TAPT1: variants seen among roughly 807,000 people sequenced by gnomAD.
TAPT1 encodes transmembrane anterior posterior transformation protein 1 homolog.
A neutral mutation model predicts 65.6 loss-of-function variants in TAPT1; 28 were observed. That is an observed-to-expected ratio of 0.43 (90% CI 0.32 to 0.59). TAPT1 has a LOEUF of 0.59. Ranked by LOEUF, TAPT1 falls within the 20% of genes least tolerant of loss-of-function variation. The pLI, the probability that TAPT1 is intolerant of heterozygous loss-of-function variation, is 0.09. For synonymous variants in TAPT1, 278 were observed against 245.2 expected (o/e 1.13, Z -1.25); for missense variants, 563 against 679.9 (o/e 0.83, Z 1.91).
chr4:16,163,247 C>T lies in TAPT1; in HGVS notation c.*61G>A. On this transcript the variant is annotated 3_prime_UTR_variant, in exon 14 of 14. Transcript: ENST00000405303. The stretch of plus-strand genomic sequence containing the variant: ...AGTGCCATGTTTAGCATCTATTTGT[C>T]CTGGCAACACAGCACTTGTTGCCCC... The T allele has an allele frequency of 1.7e-6, 2 of 1,192,728 alleles. No individual in the cohort carries two copies. The highest frequency in any genetic ancestry group is 2.5e-6 in the Non-Finnish European group (2 of 802,430). The allele number at this position is 1,192,728 out of a possible 1,614,324, so 73.9% of individuals were successfully genotyped here.
At position 16,166,615 on chromosome 4, in the gene TAPT1, G is replaced by C; in HGVS notation, c.1474+18C>G. On this transcript the variant is annotated intron_variant, in intron 13 of 13. Transcript: ENST00000405303. ...TTTGAAAATGATCCAGGGAAGTGAA[G>C]AAAGGGACCAAACCTACCTTGAGAG... 3 of 1,610,190 alleles carry C rather than the reference G, an allele frequency of 1.9e-6. No homozygotes were observed. The highest frequency in any genetic ancestry group is 2.5e-6 in the Non-Finnish European group (3 of 1,176,604).
chr4:16,206,978 T>C (rs1472160668), intron 2 of TAPT1, among the ~76,000 whole-genome samples: 1 of 152,182 alleles, frequency 6.6e-6, no homozygotes, highest in Non-Finnish European at 1.5e-5. Flanking sequence ...CTGTGGTCAC[T>C]ACCACCACAA....
At chr4:16,186,446 T>C (rs1454698010) in intron 7 of TAPT1, 89 bp downstream of exon 7, 12 of 792,486 alleles carry the variant, frequency 1.5e-5, no homozygotes, top group Non-Finnish European at 2.3e-5. Flanking sequence ...AGCTGAAGAG[T>C]GGCCCAGAGA....
At chr4:16,177,258 C>A (rs1357257141) in intron 8 of TAPT1, among the ~76,000 whole-genome samples, 1 of 152,312 alleles carries the variant, frequency 6.6e-6, no homozygotes, top group Admixed American at 6.5e-5. Flanking sequence ...CCAAACTATG[C>A]AAATTATGCA....
At chr4:16,215,633 C>T (rs554550713) in intron 1 of TAPT1, among the ~76,000 whole-genome samples, 3 of 152,248 alleles carry the variant, frequency 2.0e-5, no homozygotes, top group Admixed American at 6.5e-5. Flanking sequence ...CAACAGGAGG[C>T]GGAATCTATC....
intron 3 of TAPT1, among the ~76,000 whole-genome samples, chr4:16,200,649 G>A (rs1022708183): frequency 6.6e-6 from 1 of 152,088 alleles, no homozygotes; most frequent in Non-Finnish European, 1.5e-5. Flanking sequence ...TATGTCATGT[G>A]TTTCACCTGA....
Position 16,202,565 on chromosome 4 carries a change from T to C in TAPT1, c.346A>G (p.Ile116Val). The C allele has an allele frequency of 2.0e-6, 3 of 1,534,410 alleles. No individual in the cohort carries two copies. Among genetic ancestry groups the C allele is most frequent in the Middle Eastern group, 1.7e-4 (1 of 5,918 alleles). ...AAAAACGCATCCAGGCACAGAAAGA[T>C]TCCAAAAACCATCAGCTGAATTTTA... ...RELEKLMVFGIFLCLDAFLYV... is the reference protein window; with the variant it reads ...RELEKLMVFGVFLCLDAFLYV... The change falls in exon 3 of 14, where the codon ATC becomes GTC. Residue 116 changes from isoleucine to valine, a missense_variant. By Grantham distance (29) the Ile-to-Val change is conservative. Around this residue, in one of 5 missense-constraint regions of TAPT1, gnomAD observed 217 missense variants for 317.5 expected, o/e 0.68. Transcript: ENST00000405303.
intron 1 of TAPT1, among the ~76,000 whole-genome samples, chr4:16,223,244 A>G (rs534531377): frequency 4.4e-4 from 67 of 152,342 alleles, no homozygotes; most frequent in African/African-American, 1.6e-3. Flanking sequence ...CTGTACTTAG[A>G]TTCCTAAATA....
At chr4:16,175,410 T>C (rs1282182971) in intron 9 of TAPT1, among the ~76,000 whole-genome samples, 1 of 152,150 alleles carries the variant, frequency 6.6e-6, no homozygotes, top group Non-Finnish European at 1.5e-5. Context: ...TGAATCACAG[T>C]TGTTGCAACT....
At chr4:16,210,448 C>T (rs1390299927) in intron 2 of TAPT1, among the ~76,000 whole-genome samples, 6 of 152,140 alleles carry the variant, frequency 3.9e-5, no homozygotes, top group Admixed American at 6.5e-5. Context: ...AGAATGTAAT[C>T]GGGGACAAGC....
At chr4:16,186,001 T>C (rs1239098966) in intron 7 of TAPT1, among the ~76,000 whole-genome samples, 1 of 152,240 alleles carries the variant, frequency 6.6e-6, no homozygotes, top group African/African-American at 2.4e-5. Flanking sequence ...GGGACTGTTC[T>C]TGGGGGCTCC....
In TAPT1 at chr4:16,188,250, G is replaced by C. The variant is rs1560166737; in HGVS notation, c.718C>G (p.Pro240Ala). 1 of 1,611,158 alleles carries C rather than the reference G, an allele frequency of 6.2e-7. No homozygotes were observed. Among genetic ancestry groups the C allele is most frequent in the East Asian group, 2.2e-5 (1 of 44,760 alleles). ...TAGAGAACAGCCATGAAAAAGTGAG[G>C]AATCACCCCAATGTGGGCTCTTTTT... ...ERKRAHIGVI[P>A]HFFMAVLYVF... Residue 240 changes from proline (P) to alanine (A), a missense_variant, in exon 5 of 14, where the codon CCT (proline) becomes GCT (alanine). Coordinates refer to ENST00000405303, the MANE Select transcript of TAPT1 (RefSeq NM_153365.3).
intron 8 of TAPT1, among the ~76,000 whole-genome samples, chr4:16,177,462 C>T (rs1748406784): frequency 6.6e-6 from 1 of 152,162 alleles, no homozygotes; most frequent in African/African-American, 2.4e-5. Flanking sequence ...GATGACACAG[C>T]TGGGCTATCC....
At chr4:16,198,455 T>C (rs1428961999) in intron 3 of TAPT1, among the ~76,000 whole-genome samples, 1 of 152,160 alleles carries the variant, frequency 6.6e-6, no homozygotes, top group Non-Finnish European at 1.5e-5. Flanking sequence ...TGTGATTAAT[T>C]TGACAAATGG....
At chr4:16,182,601 C>T (rs1295964531) in intron 7 of TAPT1, among the ~76,000 whole-genome samples, 2 of 152,170 alleles carry the variant, frequency 1.3e-5, no homozygotes, top group African/African-American at 4.8e-5. Context: ...GATATGCAGG[C>T]TTCTAAGAGT....
chr4:16,191,568 T>C (rs1265544362), intron 3 of TAPT1, 45 bp from the exon 4 acceptor site: 1 of 1,514,222 alleles, frequency 6.6e-7, no homozygotes, highest in Non-Finnish European at 8.9e-7. Flanking sequence ...TTACTCTGTA[T>C]GTTCTCACAA....
chr4:16,178,647 C>T (rs1044042908), intron 8 of TAPT1, among the ~76,000 whole-genome samples: 32 of 152,156 alleles, frequency 2.1e-4, no homozygotes, highest in South Asian at 1.7e-3. Context: ...TTTACATTGC[C>T]ACAGTGCCTG....
At chr4:16,168,820 C>T (rs897115014) in intron 12 of TAPT1, among the ~76,000 whole-genome samples, 1 of 152,278 alleles carries the variant, frequency 6.6e-6, no homozygotes, top group Non-Finnish European at 1.5e-5. Flanking sequence ...GGCCCAGGCC[C>T]TGCTGCTAAG....
chr4:16,188,327 C>T lies in TAPT1; in HGVS notation c.641G>A (p.Gly214Glu), dbSNP rs1433413741. The T allele has an allele frequency of 6.3e-7, 1 of 1,594,468 alleles. No individual in the cohort carries two copies. The highest frequency in any genetic ancestry group is 8.5e-7 in the Non-Finnish European group (1 of 1,173,048). The change falls in exon 5 of 14, where the codon GGA becomes GAA. Residue 214 changes from glycine (G) to glutamate (E), a missense_variant. Physicochemically the swap from Gly to Glu is moderately conservative, Grantham distance 98. This residue lies in a region of TAPT1 where 217 missense variants were observed against 317.5 expected (regional missense o/e 0.68). Transcript: ENST00000405303. ...EVADRLFSSFGQDILDALYWT... is the reference protein window; with the variant it reads ...EVADRLFSSFEQDILDALYWT... ...ATAGAGAGCATCTAATATGTCTTGT[C>T]CAAAAGATGAAAACAGACGATCAGC...
Sources: gnomAD v4.1 joint callset for allele counts (sites outside exome capture counted in the v4.1 genomes callset) on GRCh38, gnomAD v4.1.1 for gene constraint, gnomAD v4.1.1 regional missense constraint, MANE v1.5 for transcripts, NCBI Gene and HGNC (gene_info 2026-07-23, HGNC 2026-07-21) for gene names.